LARGE1: variants seen among roughly 807,000 people sequenced by gnomAD.
LARGE1 encodes LARGE xylosyl- and glucuronyltransferase 1, also known as xylosyl- and glucuronyltransferase LARGE1.
Under a neutral mutation model 87.6 loss-of-function variants are expected in LARGE1, and 43 were observed. The observed-to-expected ratio is 0.49, with a 90% CI of 0.38 to 0.63. LARGE1 has a LOEUF of 0.63. LARGE1 is among the 30% of genes least tolerant of loss of function. The probability of loss-of-function intolerance (pLI) is 0.00; values close to 1 mark genes in which losing one functional copy is unlikely to be tolerated. For missense variants in LARGE1, 802 were observed against 1,000.2 expected (o/e 0.80, Z 2.67); for synonymous variants, 434 against 394.6 (o/e 1.10, Z -1.18).
intron 11 of LARGE1, among the ~76,000 whole-genome samples, chr22:33,171,942 A>C (rs982638948): frequency 6.6e-6 from 1 of 152,220 alleles, no homozygotes; most frequent in Admixed American, 6.5e-5. Context: ...TGGAAACACC[A>C]CAGGCACTCA....
chr22:33,486,223 T>C (rs1602067268), intron 6 of LARGE1, among the ~76,000 whole-genome samples: 1 of 152,128 alleles, frequency 6.6e-6, no homozygotes. Context: ...GAGGGCTGGG[T>C]GTGGGTGGTG....
chr22:33,790,295 C>T (rs1254839724), intron 1 of LARGE1, among the ~76,000 whole-genome samples: 3 of 152,152 alleles, frequency 2.0e-5, no homozygotes, highest in African/African-American at 7.2e-5. Flanking sequence ...ACTGTGAGTC[C>T]ATTAAACCTT....
chr22:33,404,794 G>T (rs1206053424), intron 7 of LARGE1, among the ~76,000 whole-genome samples: 1 of 152,206 alleles, frequency 6.6e-6, no homozygotes, highest in Non-Finnish European at 1.5e-5. Flanking sequence ...CCAAGTAAGG[G>T]GGAAGGGGGT....
chr22:33,830,359 G>A (rs1315860829), intron 1 of LARGE1, among the ~76,000 whole-genome samples: 1 of 152,166 alleles, frequency 6.6e-6, no homozygotes, highest in Non-Finnish European at 1.5e-5. Context: ...GGAGCTGGCT[G>A]CTGTCGAGTT....
rs2086558922 is a variant in LARGE1, at chr22:33,813,403, A to G, written c.-82-51845T>C. Among the ~76,000 whole-genome samples, 2 of 152,184 alleles carry G rather than the reference A, an allele frequency of 1.3e-5. 1 individual carries two copies. Among genetic ancestry groups the G allele is most frequent in the Admixed American group, 1.3e-4 (2 of 15,276 alleles). On this transcript the variant is annotated intron_variant, in intron 1 of 14. Transcript: ENST00000397394. ...TCCGATAGTCAAATGCCACAAGACC[A>G]GAAACAAAACATAGTTCCAGCAATG...
the LARGE1 span, among the ~76,000 whole-genome samples, chr22:33,155,502 T>C: frequency 2.0e-5 from 3 of 152,132 alleles, no homozygotes; most frequent in Non-Finnish European, 4.4e-5. Flanking sequence ...CTGTGGAACT[T>C]TGAACTTGAG....
chr22:33,071,084 C>A, the LARGE1 span, among the ~76,000 whole-genome samples: 1 of 152,118 alleles, frequency 6.6e-6, no homozygotes, highest in Admixed American at 6.5e-5. Context: ...TACCTCCTAC[C>A]CTTTTGGAGA....
At chr22:33,596,942 G>C (rs144815340) in intron 5 of LARGE1, among the ~76,000 whole-genome samples, 2 of 152,176 alleles carry the variant, frequency 1.3e-5, no homozygotes, top group Admixed American at 6.5e-5. Flanking sequence ...CACATTATTA[G>C]TGAACTGGGG....
At chr22:33,097,124 T>C in the LARGE1 span, among the ~76,000 whole-genome samples, 1 of 152,316 alleles carries the variant, frequency 6.6e-6, no homozygotes, top group Admixed American at 6.5e-5. Context: ...CCCCTTCCTT[T>C]GCCTCCTGAG....
chr22:33,356,498 G>A (rs141457095), intron 9 of LARGE1, among the ~76,000 whole-genome samples: 98 of 152,306 alleles, frequency 6.4e-4, no homozygotes, highest in African/African-American at 2.2e-3. Flanking sequence ...TTGGCCGGGC[G>A]TGGTGGCTCA....
intron 12 of LARGE1, 23 bp from the exon 13 acceptor site, chr22:33,283,371 G>A (rs552839601): frequency 1.2e-6 from 2 of 1,614,110 alleles, no homozygotes; most frequent in African/African-American, 1.3e-5. Flanking sequence ...GACAGGCAGA[G>A]AGACAGAGTC....
chr22:33,343,222 A>G (rs1330535140), intron 9 of LARGE1, among the ~76,000 whole-genome samples: 1 of 152,060 alleles, frequency 6.6e-6, no homozygotes, highest in Non-Finnish European at 1.5e-5. Context: ...TCAATCTCCC[A>G]GACTCAAGTG....
In LARGE1 at chr22:33,383,578, T is replaced by C. The variant is rs368347726; in HGVS notation, c.1005+614A>G. 1.6e-4 allele frequency among the ~76,000 whole-genome samples: 25 copies of C among 152,210 alleles called. 1 individual carries two copies. The highest frequency in any genetic ancestry group is 1.3e-3 in the Admixed American group (20 of 15,288). On this transcript the variant is annotated intron_variant, in intron 8 of 14. Coordinates refer to ENST00000397394, the MANE Select transcript of LARGE1 (RefSeq NM_133642.5). ...CCACCTCAAAAATAAAATAAAATAA[T>C]AAAAATGAATATTTGCTAACAGTTT...
chr22:33,502,795 T>C (rs940634411), intron 6 of LARGE1, among the ~76,000 whole-genome samples: 4 of 152,110 alleles, frequency 2.6e-5, no homozygotes, highest in African/African-American at 9.7e-5. Flanking sequence ...TCTCGATCTC[T>C]TGACCTCGTG....
At chr22:33,840,747 T>G (rs1010515791) in intron 1 of LARGE1, among the ~76,000 whole-genome samples, 1 of 152,094 alleles carries the variant, frequency 6.6e-6, no homozygotes, top group African/African-American at 2.4e-5. Context: ...CACGGCTCAC[T>G]GCAGCCTAAA....
At chr22:33,457,570 A>G (rs1439402436) in intron 6 of LARGE1, among the ~76,000 whole-genome samples, 1 of 152,158 alleles carries the variant, frequency 6.6e-6, no homozygotes, top group East Asian at 1.9e-4. Flanking sequence ...CACTACAAAT[A>G]AGTACAAAAG....
rs193221959 is a variant in LARGE1, at chr22:33,417,687, C to T, written c.892+14474G>A. On this transcript the variant is annotated intron_variant, in intron 7 of 14. Transcript: ENST00000397394. Reference sequence around the variant, plus strand: ...AGTCAAGGTGCAGCCATCCAGGGCTCTTGCCCGGGGCTCTCGGGGAGAAAC... The same window carrying T: ...AGTCAAGGTGCAGCCATCCAGGGCTTTTGCCCGGGGCTCTCGGGGAGAAAC... Among the ~76,000 whole-genome samples the T allele has an allele frequency of 4.6e-5, 7 of 152,310 alleles. No homozygotes were observed. In the East Asian group the frequency reaches 9.7e-4, roughly 21 times the overall value.
chr22:33,662,258 G>C lies in LARGE1; in HGVS notation c.107-11590C>G, dbSNP rs538332466. Among the ~76,000 whole-genome samples the C allele has an allele frequency of 2.2e-4, 33 of 152,110 alleles. No individual in the cohort carries two copies. The South Asian group carries it at 5.6e-3, about 26-fold the overall frequency. On this transcript the variant is annotated intron_variant, in intron 2 of 14. Transcript: ENST00000397394. ...CTATCTGACCACTGCCCTTGAAATG[G>C]TGCACCTGCCAAACCTGAGCAAAAG...
intron 6 of LARGE1, among the ~76,000 whole-genome samples, chr22:33,516,094 A>G (rs1317667067): frequency 1.3e-5 from 2 of 152,160 alleles, no homozygotes; most frequent in African/African-American, 4.8e-5. Flanking sequence ...GGATGCAGGG[A>G]GGGTGTGAGG....
Sources: allele counts gnomAD v4.1 joint callset (sites outside exome capture counted in the v4.1 genomes callset), GRCh38; gene constraint gnomAD v4.1.1; transcripts MANE v1.5; gene names NCBI Gene and HGNC (gene_info 2026-07-23, HGNC 2026-07-21).